PPIB: variants seen among roughly 807,000 people sequenced by gnomAD.
PPIB encodes peptidyl-prolyl cis-trans isomerase B.
Under a neutral mutation model 20.1 loss-of-function variants are expected in PPIB, and 15 were observed. The ratio of observed to expected loss-of-function variants is 0.75; its 90% confidence interval spans 0.50 to 1.15. PPIB has a LOEUF of 1.15. Ranked by LOEUF, PPIB falls within the 50% of genes most tolerant of loss-of-function variation. The pLI is 0.00. For missense variants in PPIB, 278 were observed against 283.0 expected (o/e 0.98, Z 0.13); for synonymous variants, 129 against 111.0 (o/e 1.16, Z -1.02).
Position 64,156,038 on chromosome 15 carries a change from G to A in PPIB, c.636C>T (p.Ala212=). 6.2e-7 allele frequency: 1 copy of A among 1,614,178 alleles called. No individual in the cohort carries two copies. Among genetic ancestry groups the A allele is most frequent in the Non-Finnish European group, 8.5e-7 (1 of 1,180,038 alleles). The change falls in exon 5 of 5, where the codon GCC becomes GCT. Residue 212 remains alanine (A), a synonymous_variant. Coordinates refer to ENST00000300026, the MANE Select transcript of PPIB (RefSeq NM_000942.5). This position sits in a 1 kb window ranked among gnomAD's most constrained non-coding sequence, Gnocchi z 6.4. The part of the protein sequence containing the change: ...CGKIEVEKPF[A]IAKE The stretch of plus-strand genomic sequence containing the variant: ...TCCCTGTGCCCTACTCCTTGGCGAT[G>A]GCAAAGGGCTTCTCCACCTCGATCT...
Position 64,160,239 on chromosome 15 carries a change from G to A in PPIB, c.250-42C>T, listed in dbSNP as rs1333267514. ...GAAGGTAAGGAGGTGGTATGGGGCA[G>A]CAGGAAGACATTACATTAAATAGGC... On this transcript the variant is annotated intron_variant, in intron 2 of 4. Coordinates refer to ENST00000300026, the MANE Select transcript of PPIB (RefSeq NM_000942.5). The surrounding 1 kb of genome is among the most constrained non-coding windows in gnomAD (Gnocchi z 4.8). 2.0e-6 allele frequency: 3 copies of A among 1,491,408 alleles called. No homozygotes were observed. Among genetic ancestry groups the A allele is most frequent in the African/African-American group, 2.8e-5 (2 of 72,384 alleles). 92.4% of individuals were successfully genotyped at this position (1,491,408 alleles called of 1,614,324 possible).
At chr15:64,162,826 C>G (rs1398224649) in intron 1 of PPIB, 26 bp downstream of exon 1, 1 of 1,606,028 alleles carries the variant, frequency 6.2e-7, no homozygotes, top group South Asian at 1.1e-5. Context: ...GCTCCGGCAC[C>G]GTAAATGCCG....
rs1467998336 is a variant in PPIB at position 64,156,014 on chromosome 15, C to G, written c.*9G>C. 2.5e-6 allele frequency: 4 copies of G among 1,614,060 alleles called. No homozygotes were observed. The African/African-American group carries it at 5.3e-5, about 22-fold the overall frequency. ...CAGACGGTCACTCAAAGAAAGATGT[C>G]CCTGTGCCCTACTCCTTGGCGATGG... On this transcript the variant is annotated 3_prime_UTR_variant, in exon 5 of 5. Transcript: ENST00000300026. This position sits in a 1 kb window ranked among gnomAD's most constrained non-coding sequence, Gnocchi z 6.4.
Position 64,156,643 on chromosome 15 carries a change from A to T in PPIB, c.528+82T>A. On this transcript the variant is annotated intron_variant, in intron 4 of 4. Coordinates refer to ENST00000300026, the MANE Select transcript of PPIB (RefSeq NM_000942.5). This position sits in a 1 kb window ranked among gnomAD's most constrained non-coding sequence, Gnocchi z 6.4. Reference sequence around the variant, plus strand: ...TTGGGTCCTTTTGGGAAAGGGATGGACACATGGAGCTCCTGCCCTGGGGTC... The same window carrying T: ...TTGGGTCCTTTTGGGAAAGGGATGGTCACATGGAGCTCCTGCCCTGGGGTC... 6.5e-7 allele frequency: 1 copy of T among 1,539,816 alleles called. No homozygotes were observed. Among genetic ancestry groups the T allele is most frequent in the South Asian group, 1.1e-5 (1 of 89,286 alleles).
intron 1 of PPIB, among the ~76,000 whole-genome samples, chr15:64,162,453 C>A (rs532767265): frequency 1.3e-5 from 2 of 152,308 alleles, no homozygotes; most frequent in East Asian, 3.9e-4. Context: ...CCATAAGGAG[C>A]GGAGCCTAAG....
At position 64,160,934 on chromosome 15, in the gene PPIB, G is replaced by A. The variant is rs1045940415; in HGVS notation, c.250-737C>T. ...CAAAGTGCTGGGATTACAGGTGTGA[G>A]CCACCATGCCCAGCCTGTTTTTTTA... On this transcript the variant is annotated intron_variant, in intron 2 of 4. Coordinates refer to ENST00000300026, the MANE Select transcript of PPIB (RefSeq NM_000942.5). This position sits in a 1 kb window ranked among gnomAD's most constrained non-coding sequence, Gnocchi z 4.8. 3.3e-5 allele frequency among the ~76,000 whole-genome samples: 5 copies of A among 151,892 alleles called. No homozygotes were observed. Among genetic ancestry groups the A allele is most frequent in the Admixed American group, 2.0e-4 (3 of 15,256 alleles).
rs1275507565 is a variant in PPIB at position 64,162,898 on chromosome 15, G to C, written c.89C>G (p.Pro30Arg). The C allele has an allele frequency of 1.9e-6, 3 of 1,613,232 alleles. No homozygotes were observed. The highest frequency in any genetic ancestry group is 4.5e-5 in the East Asian group (2 of 44,858). ...GSVFFLLLPG[P>R]SAADEKKKGP... ...CTTCTTCTTCTCATCGGCCGCAGAA[G>C]GTCCCGGCAGCAGCAGGAAGAAGAC... The change falls in exon 1 of 5, where the codon CCT becomes CGT. Residue 30 changes from proline to arginine, a missense_variant. Coordinates refer to ENST00000300026, the MANE Select transcript of PPIB (RefSeq NM_000942.5).
rs28720189 is a variant in PPIB, at chr15:64,158,490, C to A, written c.344-1581G>T. Among the ~76,000 whole-genome samples, 67 of 152,318 alleles carry A rather than the reference C, an allele frequency of 4.4e-4. No homozygotes were observed. Among genetic ancestry groups the A allele is most frequent in the African/African-American group, 1.5e-3 (62 of 41,578 alleles). On this transcript the variant is annotated intron_variant, in intron 3 of 4. Transcript: ENST00000300026. The surrounding 1 kb of genome is among the most constrained non-coding windows in gnomAD (Gnocchi z 4.7). ...ACCTCAGGATCAGGTCCAAATCTCC[C>A]TGCCCAGGGTCAGTGGCACCAATGC... is the stretch of plus-strand genomic sequence containing the variant.
rs757856817 is a variant in PPIB, at chr15:64,162,994, C to A, written c.-8G>T. ...TTCGGAGAGGCGCAGCATCCACAGG[C>A]GGAGGCGAAAGCAGCCCGGACAGCT... is the stretch of plus-strand genomic sequence containing the variant. On this transcript the variant is annotated 5_prime_UTR_variant, in exon 1 of 5. Coordinates refer to ENST00000300026, the MANE Select transcript of PPIB (RefSeq NM_000942.5). 1.1e-5 allele frequency: 18 copies of A among 1,584,134 alleles called. No homozygotes were observed. The highest frequency in any genetic ancestry group is 1.8e-4 in the Middle Eastern group (1 of 5,506).
In PPIB at chr15:64,157,529, C is replaced by T. The variant is rs1245240020; in HGVS notation, c.344-620G>A. On this transcript the variant is annotated intron_variant, in intron 3 of 4. Transcript: ENST00000300026. This position sits in a 1 kb window ranked among gnomAD's most constrained non-coding sequence, Gnocchi z 4.2. ...GGCTTGGGGATATGGTAAGGGCAATCCGGAGTGATCTCTATGCCATTTCAG... is the reference window on the plus strand; with the variant it reads ...GGCTTGGGGATATGGTAAGGGCAATTCGGAGTGATCTCTATGCCATTTCAG... 1 of 153,968 alleles carries T rather than the reference C, an allele frequency of 6.5e-6. No homozygotes were observed. 9.5% of individuals were successfully genotyped at this position (153,968 alleles called of 1,614,324 possible).
chr15:64,161,985 T>C lies in PPIB; in HGVS notation c.249+56A>G. The C allele has an allele frequency of 1.6e-6, 2 of 1,289,444 alleles. No individual in the cohort carries two copies. The highest frequency in any genetic ancestry group is 2.3e-6 in the Non-Finnish European group (2 of 884,388). The allele number at this position is 1,289,444 out of a possible 1,614,324, so 79.9% of individuals were successfully genotyped here. A position where few individuals can be genotyped will look rare whatever the true frequency, so the allele number is the denominator to read the frequency against. ...AACTCTGCAGGTCAGTTTGCTGCCATCCCCAGTGCCAATTTCACTTCATGT... is the reference window on the plus strand; with the variant it reads ...AACTCTGCAGGTCAGTTTGCTGCCACCCCCAGTGCCAATTTCACTTCATGT... On this transcript the variant is annotated intron_variant, in intron 2 of 4. Transcript: ENST00000300026. This position sits in a 1 kb window ranked among gnomAD's most constrained non-coding sequence, Gnocchi z 4.2.
At position 64,160,320 on chromosome 15, in the gene PPIB, C is replaced by G. The variant is rs2081558425; in HGVS notation, c.250-123G>C. ...GCAGAAGAGACACCACTGCTGACCA[C>G]TTTCACTGTTCAGTGTGCTACTAAG... On this transcript the variant is annotated intron_variant, in intron 2 of 4. Transcript: ENST00000300026. The surrounding 1 kb of genome is among the most constrained non-coding windows in gnomAD (Gnocchi z 4.8). The G allele has an allele frequency of 2.5e-6, 2 of 796,970 alleles. No individual in the cohort carries two copies. Among genetic ancestry groups the G allele is most frequent in the Admixed American group, 2.0e-5 (1 of 50,570 alleles). 49.4% of individuals were successfully genotyped at this position (796,970 alleles called of 1,614,324 possible).
chr15:64,162,725 G>A, intron 1 of PPIB, 127 bp downstream of exon 1: 2 of 1,459,746 alleles, frequency 1.4e-6, no homozygotes, highest in Middle Eastern at 4.7e-4. Flanking sequence ...TGGACTGAAT[G>A]GGCAGGACGG....
chr15:64,160,103 C>T lies in PPIB; in HGVS notation c.343+1G>A, dbSNP rs137853867. On this transcript the variant is annotated splice_donor_variant, in intron 3 of 4. Coordinates refer to ENST00000300026, the MANE Select transcript of PPIB (RefSeq NM_000942.5). LOFTEE classifies it high-confidence loss of function. The surrounding 1 kb of genome is among the most constrained non-coding windows in gnomAD (Gnocchi z 4.8). ...CCTTGGCCCAGAGGACCTGTGGTTA[C>T]CTCCTGTGCCATCTCCCCTGGTGAA... The T allele has an allele frequency of 2.5e-6, 4 of 1,609,198 alleles. No homozygotes were observed. Among genetic ancestry groups the T allele is most frequent in the East Asian group, 2.2e-5 (1 of 44,866 alleles).
At position 64,156,284 on chromosome 15, in the gene PPIB, C is replaced by A; in HGVS notation, c.529-139G>T. On this transcript the variant is annotated intron_variant, in intron 4 of 4. Transcript: ENST00000300026. The surrounding 1 kb of genome is among the most constrained non-coding windows in gnomAD (Gnocchi z 6.4). Reference sequence around the variant, plus strand: ...ACACAAAACTGGAGGCACCAAAATTCTAACAGACTCCTGGCCAGAGCAGGG... The same window carrying A: ...ACACAAAACTGGAGGCACCAAAATTATAACAGACTCCTGGCCAGAGCAGGG... 1 of 1,093,122 alleles carries A rather than the reference C, an allele frequency of 9.1e-7. No individual in the cohort carries two copies. Among genetic ancestry groups the A allele is most frequent in the Non-Finnish European group, 1.4e-6 (1 of 736,352 alleles). The allele number at this position is 1,093,122 out of a possible 1,614,324, so 67.7% of individuals were successfully genotyped here.
rs758537632 is a variant in PPIB at position 64,162,120 on chromosome 15, A to G, written c.170T>C (p.Val57Ala). 56 of 1,614,136 alleles carry G rather than the reference A, an allele frequency of 3.5e-5. No individual in the cohort carries two copies. Among genetic ancestry groups the G allele is most frequent in the Non-Finnish European group, 4.7e-5 (55 of 1,179,936 alleles). Residue 57 changes from valine (V) to alanine (A), a missense_variant, in exon 2 of 5, where the codon GTA (valine) becomes GCA (alanine). Transcript: ENST00000300026. Reference protein sequence around the residue: ...YFDLRIGDEDVGRVIFGLFGK... With the variant: ...YFDLRIGDEDAGRVIFGLFGK... ...GAAGAGACCAAAGATCACCCGGCCT[A>G]CATCTTCATCTCCAATTCGTAGGTC...
chr15:64,162,501 G>C (rs757813065), intron 1 of PPIB, among the ~76,000 whole-genome samples: 20 of 152,366 alleles, frequency 1.3e-4, no homozygotes, highest in Middle Eastern at 3.4e-3. Context: ...ACTGTGCTTT[G>C]TAATTGGAAG....
rs1487269123 is a variant in PPIB at position 64,156,832 on chromosome 15, C to T, written c.421G>A (p.Ala141Thr). The change falls in exon 4 of 5, where the codon GCC becomes ACC. Residue 141 changes from alanine to threonine, a missense_variant. By Grantham distance (58) the Ala-to-Thr change is moderately conservative. Coordinates refer to ENST00000300026, the MANE Select transcript of PPIB (RefSeq NM_000942.5). The surrounding 1 kb of genome is among the most constrained non-coding windows in gnomAD (Gnocchi z 6.4). ...CCGTTGGTGTCTTTGCCTGCGTTGG[C>T]CATGCTCACCCAGCCAGGCCCGTAG... ...KHYGPGWVSM[A>T]NAGKDTNGSQ... 2 of 1,614,168 alleles carry T rather than the reference C, an allele frequency of 1.2e-6. No individual in the cohort carries two copies. The highest frequency in any genetic ancestry group is 3.3e-5 in the Admixed American group (2 of 60,018).
At position 64,162,063 on chromosome 15, in the gene PPIB, A is replaced by G. The variant is rs772554369; in HGVS notation, c.227T>C (p.Phe76Ser). The G allele has an allele frequency of 2.8e-5, 45 of 1,613,704 alleles. 1 individual carries two copies. The highest frequency in any genetic ancestry group is 2.8e-5 in the Non-Finnish European group (33 of 1,179,690). Residue 76 changes from phenylalanine to serine, a missense_variant, in exon 2 of 5, where the codon TTT becomes TCT. Phe to Ser is a radical substitution (Grantham distance 155). Transcript: ENST00000300026. ...TACCTCTCCTGTAGCTAAGGCCACA[A>G]AATTATCCACTGTTTTTGGAACAGT... ...GKTVPKTVDN[F>S]VALATGEKGF... is the part of the protein sequence containing the mutation.
Sources: allele counts gnomAD v4.1 joint callset (sites outside exome capture counted in the v4.1 genomes callset), GRCh38; gene constraint gnomAD v4.1.1; non-coding constraint Gnocchi (gnomAD v3.1); transcripts MANE v1.5; gene names NCBI Gene and HGNC (gene_info 2026-07-23, HGNC 2026-07-21).